SNTG1: variants seen among roughly 807,000 people sequenced by gnomAD.
SNTG1 encodes gamma-1-syntrophin.
In SNTG1, 39 loss-of-function variants were observed where a neutral mutation model predicts 74.7. The ratio of observed to expected loss-of-function variants is 0.52; its 90% CI spans 0.40 to 0.68. The LOEUF (loss-of-function observed/expected upper bound fraction) is 0.68. Among genes scored for constraint, SNTG1 ranks in the 30% least tolerant of loss-of-function variants. The pLI, the probability that SNTG1 is intolerant of heterozygous loss-of-function variation, is 0.00. For synonymous variants in SNTG1, 254 were observed against 217.1 expected, an observed-to-expected ratio of 1.17 and a Z score of -1.49; for missense variants, 685 against 609.5, an observed-to-expected ratio of 1.12 and a Z score of -1.30.
chr8:49,998,432 A>AT (rs1234148030), intron 1 of SNTG1, among the ~76,000 whole-genome samples: 2 of 152,086 alleles, frequency 1.3e-5, no homozygotes, highest in African/African-American at 4.8e-5. Flanking sequence ...TATAAACTTA[A>AT]TTTTTTTAAC....
intron 2 of SNTG1, among the ~76,000 whole-genome samples, chr8:50,192,542 G>A (rs935682874): frequency 6.6e-6 from 1 of 152,042 alleles, no homozygotes; most frequent in Non-Finnish European, 1.5e-5. Context: ...GTTGTAGATT[G>A]TGGATATTAG....
intron 2 of SNTG1, among the ~76,000 whole-genome samples, chr8:50,288,625 C>T (rs1375509852): frequency 6.6e-6 from 1 of 151,964 alleles, no homozygotes; most frequent in Non-Finnish European, 1.5e-5. Context: ...CATGCAGACT[C>T]AGAAACATCA....
intron 17 of SNTG1, among the ~76,000 whole-genome samples, chr8:50,739,121 C>T (rs77127511): frequency 6.6e-6 from 1 of 150,576 alleles, no homozygotes; most frequent in African/African-American, 2.4e-5. Context: ...TCAGGATGAA[C>T]AGGCCATCTA....
chr8:50,230,944 G>A (rs1381156925), intron 2 of SNTG1, among the ~76,000 whole-genome samples: 1 of 150,962 alleles, frequency 6.6e-6, no homozygotes, highest in African/African-American at 2.4e-5. Context: ...AAGGAAACAA[G>A]AGTGAACAGT....
chr8:50,672,855 A>C (rs1017154075), intron 15 of SNTG1, among the ~76,000 whole-genome samples: 2 of 152,108 alleles, frequency 1.3e-5, no homozygotes, highest in African/African-American at 4.8e-5. Context: ...TATTGAGTTA[A>C]TTTTTGTTTA....
chr8:50,617,834 A>G (rs2094895707), intron 13 of SNTG1, among the ~76,000 whole-genome samples: 1 of 152,244 alleles, frequency 6.6e-6, no homozygotes. Context: ...TATAGATACC[A>G]TAACCGATTA....
At chr8:50,094,346 G>T (rs2079851063) in intron 1 of SNTG1, among the ~76,000 whole-genome samples, 1 of 152,076 alleles carries the variant, frequency 6.6e-6, no homozygotes, top group African/African-American at 2.4e-5. Context: ...AGTAATGTAT[G>T]CAAAGGGCTT....
chr8:50,637,092 A>T (rs1049841492), intron 13 of SNTG1, among the ~76,000 whole-genome samples: 2 of 152,216 alleles, frequency 1.3e-5, no homozygotes, highest in Non-Finnish European at 2.9e-5. Context: ...CTCACATCCC[A>T]TTGGTGAAAT....
chr8:50,735,566 T>C (rs1004017331), intron 17 of SNTG1, among the ~76,000 whole-genome samples: 11 of 151,424 alleles, frequency 7.3e-5, no homozygotes, highest in Admixed American at 6.6e-4. Context: ...GAAGACAAGA[T>C]TAGAGAAAAA....
intron 1 of SNTG1, among the ~76,000 whole-genome samples, chr8:50,100,745 A>G (rs2080091112): frequency 6.6e-6 from 1 of 151,962 alleles, no homozygotes. Context: ...TTCCATTTTC[A>G]GGTTTTTAAA....
At chr8:50,433,714 A>T (rs1483251362) in intron 4 of SNTG1, among the ~76,000 whole-genome samples, 1 of 152,152 alleles carries the variant, frequency 6.6e-6, no homozygotes, top group Non-Finnish European at 1.5e-5. Flanking sequence ...TATTCATTTA[A>T]CATTTTAATA....
At chr8:50,311,016 T>A (rs1043387346) in intron 2 of SNTG1, among the ~76,000 whole-genome samples, 1 of 152,250 alleles carries the variant, frequency 6.6e-6, no homozygotes, top group African/African-American at 2.4e-5. Context: ...ACTTAAGGCC[T>A]GAGCCAAAAT....
chr8:50,652,842 G>A (rs1042428054), intron 13 of SNTG1, among the ~76,000 whole-genome samples: 1 of 151,382 alleles, frequency 6.6e-6, no homozygotes, highest in African/African-American at 2.4e-5. Context: ...ATAAATAAAA[G>A]GTATGTTATC....
In SNTG1 at chr8:50,315,135, T is replaced by G. The variant is rs1430784613; in HGVS notation, c.-27-79077T>G. On this transcript the variant is annotated intron_variant, in intron 2 of 18. Coordinates refer to ENST00000642720, the MANE Select transcript of SNTG1 (RefSeq NM_018967.5). ...CTGTTATAATATTCTTGTATATATA[T>G]TATTTATAATTTCTGAAATGCAAGA... 1.3e-5 allele frequency among the ~76,000 whole-genome samples: 2 copies of G among 149,870 alleles called. 1 individual carries two copies. Among genetic ancestry groups the G allele is most frequent in the Non-Finnish European group, 2.9e-5 (2 of 67,938 alleles).
intron 18 of SNTG1, among the ~76,000 whole-genome samples, chr8:50,774,834 A>T (rs1201712559): frequency 1.3e-5 from 2 of 151,640 alleles, no homozygotes; most frequent in Non-Finnish European, 3.0e-5. Flanking sequence ...ACAGAGTTAT[A>T]TAGAAACAAA....
intron 5 of SNTG1, among the ~76,000 whole-genome samples, chr8:50,442,121 C>G (rs989541112): frequency 1.3e-5 from 2 of 152,208 alleles, no homozygotes; most frequent in African/African-American, 4.8e-5. Context: ...ATCCCCATCT[C>G]CCAGTTTTGA....
chr8:50,721,745 G>A (rs921833215), intron 17 of SNTG1, among the ~76,000 whole-genome samples: 1 of 152,092 alleles, frequency 6.6e-6, no homozygotes, highest in Non-Finnish European at 1.5e-5. Context: ...GAACGTGTAT[G>A]GTGCTTCCTT....
intron 1 of SNTG1, among the ~76,000 whole-genome samples, chr8:50,165,405 CA>C (rs773257994): frequency 6.6e-6 from 1 of 152,170 alleles, no homozygotes; most frequent in Non-Finnish European, 1.5e-5. Flanking sequence ...AAGCAAGAAT[CA>C]GGAAAATGTC....
chr8:50,033,213 T>G (rs1008484579), intron 1 of SNTG1, among the ~76,000 whole-genome samples: 1 of 151,726 alleles, frequency 6.6e-6, no homozygotes, highest in Non-Finnish European at 1.5e-5. Context: ...AACCTCTGCC[T>G]CCTGAGTTCA....
Sources: allele counts gnomAD v4.1 joint callset (sites outside exome capture counted in the v4.1 genomes callset), GRCh38; gene constraint gnomAD v4.1.1; transcripts MANE v1.5; gene names NCBI Gene and HGNC (gene_info 2026-07-23, HGNC 2026-07-21).